Variants in ATAD2B observed in about 807,000 individuals in gnomAD.
ATAD2B encodes the protein ATPase family AAA domain-containing protein 2B.
In ATAD2B, 40 loss-of-function variants were observed where a neutral mutation model predicts 167.6. The ratio of observed to expected loss-of-function variants is 0.24; its 90% CI spans 0.19 to 0.31. The LOEUF (loss-of-function observed/expected upper bound fraction) is 0.31, where lower values mean the gene tolerates loss of function less well. ATAD2B is among the 10% of genes least tolerant of loss of function. The probability of loss-of-function intolerance (pLI) is 1.00; values close to 1 mark genes in which losing one functional copy is unlikely to be tolerated. For missense variants in ATAD2B, 1,242 were observed against 1,757.2 expected (o/e 0.71, Z 5.24); for synonymous variants, 579 against 596.5 (o/e 0.97, Z 0.43).
chr2:23,813,424 A>G (rs1685935551), intron 17 of ATAD2B, among the ~76,000 whole-genome samples: 2 of 151,184 alleles, frequency 1.3e-5, no homozygotes, highest in South Asian at 2.1e-4. Context: ...AAACAATTTC[A>G]TCTAAGAAAA....
At chr2:23,891,019 G>GT (rs1304538422) in intron 2 of ATAD2B, among the ~76,000 whole-genome samples, 107 of 135,480 alleles carry the variant, frequency 7.9e-4, no homozygotes, top group Admixed American at 1.9e-3. Flanking sequence ...AATATACTGA[G>GT]ATTTTTTTTT....
At chr2:23,845,704 C>T (rs979065394) in intron 13 of ATAD2B, among the ~76,000 whole-genome samples, 1 of 151,294 alleles carries the variant, frequency 6.6e-6, no homozygotes, top group South Asian at 2.1e-4. Flanking sequence ...CTCAACCTCC[C>T]GAGTAGCTGA....
intron 1 of ATAD2B, among the ~76,000 whole-genome samples, chr2:23,910,668 G>T (rs1702159391): frequency 6.9e-6 from 1 of 145,610 alleles, no homozygotes. Context: ...AGAAGTTTGA[G>T]ACCAGCCTGA....
At chr2:23,772,472 C>T (rs923252047) in intron 22 of ATAD2B, among the ~76,000 whole-genome samples, 9 of 151,974 alleles carry the variant, frequency 5.9e-5, no homozygotes, top group African/African-American at 2.2e-4. Flanking sequence ...CTTTCTACCT[C>T]GGCTTGAATG....
chr2:23,795,784 C>T (rs922536026), intron 19 of ATAD2B, among the ~76,000 whole-genome samples: 2 of 151,312 alleles, frequency 1.3e-5, no homozygotes, highest in Non-Finnish European at 2.9e-5. Context: ...GAGGCTGAGA[C>T]GGGAGAATCA....
the ATAD2B span, among the ~76,000 whole-genome samples, chr2:23,702,516 C>T: frequency 2.6e-5 from 4 of 152,192 alleles, no homozygotes; most frequent in African/African-American, 4.8e-5. Context: ...GCCTACTGCT[C>T]TCCCTTCACC....
At chr2:23,876,658 G>C (rs1696890480) in intron 7 of ATAD2B, among the ~76,000 whole-genome samples, 1 of 152,122 alleles carries the variant, frequency 6.6e-6, no homozygotes, top group South Asian at 2.1e-4. Flanking sequence ...ATGCTGTCTA[G>C]AAGCAAAATG....
intron 4 of ATAD2B, among the ~76,000 whole-genome samples, chr2:23,886,069 C>T (rs1389113998): frequency 6.6e-6 from 1 of 152,024 alleles, no homozygotes; most frequent in Non-Finnish European, 1.5e-5. Context: ...CTCAGCCTCC[C>T]GAGTATCTGA....
chr2:23,770,795 T>C (rs907911633), intron 22 of ATAD2B, among the ~76,000 whole-genome samples: 5 of 152,218 alleles, frequency 3.3e-5, no homozygotes, highest in African/African-American at 4.8e-5. Flanking sequence ...CTGTTTTTAT[T>C]TTCCAAAGTT....
chr2:23,838,462 A>C (rs1195853639), intron 13 of ATAD2B, among the ~76,000 whole-genome samples: 1 of 151,734 alleles, frequency 6.6e-6, no homozygotes, highest in Non-Finnish European at 1.5e-5. Flanking sequence ...AAAAAAAAAA[A>C]TCTGAATGGC....
rs10559795 is a variant in ATAD2B at position 23,818,077 on chromosome 2, AACAC to A, written c.2267+1666_2267+1669del. Among the ~76,000 whole-genome samples the A allele has an allele frequency of 4.2e-4, 60 of 142,310 alleles. 2 individuals are homozygous for A. Among genetic ancestry groups the A allele is most frequent in the Admixed American group, 9.1e-4 (13 of 14,262 alleles). The allele number at this position is 142,310 out of a possible 152,430, so 93.4% of individuals were successfully genotyped here. On this transcript the variant is annotated intron_variant, in intron 17 of 27. Coordinates refer to ENST00000238789, the MANE Select transcript of ATAD2B (RefSeq NM_017552.4). ...TAACTATAACTGTCAAACACACATA[AACAC>A]ACACACACACACATTACACACACAC...
At chr2:23,788,260 T>C (rs1681117737) in intron 20 of ATAD2B, 2 of 411,268 alleles carry the variant, frequency 4.9e-6, no homozygotes, top group South Asian at 1.1e-4. Context: ...AGCCCCATAA[T>C]GTGACATCTA....
chr2:23,756,537 T>C (rs188897130), intron 25 of ATAD2B, among the ~76,000 whole-genome samples: 237 of 152,224 alleles, frequency 1.6e-3, no homozygotes, highest in Non-Finnish European at 2.5e-3. Flanking sequence ...TTGAGCAGGG[T>C]AGATATCAAC....
Position 23,926,731 on chromosome 2 carries a change from A to T in ATAD2B, c.40T>A (p.Ser14Thr). 1 of 1,548,420 alleles carries T rather than the reference A, an allele frequency of 6.5e-7. No individual in the cohort carries two copies. The highest frequency in any genetic ancestry group is 2.5e-5 in the East Asian group (1 of 40,800). ...CCAGGCCCGGGACCAGGAGACTTGGACCCGAGAAGGCGGAGAGAGCTCTTC... is the reference window on the plus strand; with the variant it reads ...CCAGGCCCGGGACCAGGAGACTTGGTCCCGAGAAGGCGGAGAGAGCTCTTC... ...TRKSSLRLLG[S>T]KSPGPGPGPG... Residue 14 changes from serine to threonine, a missense_variant, in exon 1 of 28, where the codon TCC becomes ACC. Around this residue, in one of 9 missense-constraint regions of ATAD2B, gnomAD observed 199 missense variants for 194.9 expected, o/e 1.02. Transcript: ENST00000238789.
intron 1 of ATAD2B, among the ~76,000 whole-genome samples, chr2:23,912,038 A>C (rs1421572155): frequency 1.3e-5 from 2 of 152,034 alleles, no homozygotes; most frequent in Non-Finnish European, 2.9e-5. Flanking sequence ...CTATAATCCT[A>C]CACCCCTAAC....
At chr2:23,721,812 G>T in the ATAD2B span, among the ~76,000 whole-genome samples, 1 of 152,250 alleles carries the variant, frequency 6.6e-6, no homozygotes, top group African/African-American at 2.4e-5. Context: ...CCTGCCCCCA[G>T]GCCAGCCAAG....
In ATAD2B at chr2:23,867,821, T is replaced by C; in HGVS notation, c.1188+14A>G. 1 of 1,556,824 alleles carries C rather than the reference T, an allele frequency of 6.4e-7. No individual in the cohort carries two copies. Among genetic ancestry groups the C allele is most frequent in the Non-Finnish European group, 8.7e-7 (1 of 1,143,006 alleles). ...AAAAAAGAAAACTTCTAGAAAAACA[T>C]TTACAAAACTTACTGATTTATCAAT... On this transcript the variant is annotated intron_variant, in intron 10 of 27. Coordinates refer to ENST00000238789, the MANE Select transcript of ATAD2B (RefSeq NM_017552.4).
At chr2:23,726,526 G>C in the ATAD2B span, among the ~76,000 whole-genome samples, 2 of 152,236 alleles carry the variant, frequency 1.3e-5, no homozygotes, top group South Asian at 2.1e-4. Context: ...AGCAGGCTGA[G>C]GGGGAGAGGC....
rs372845513 is a variant in ATAD2B, at chr2:23,869,238, A to C, written c.1076+425T>G. 3.3e-5 allele frequency among the ~76,000 whole-genome samples: 5 copies of C among 152,364 alleles called. No individual in the cohort carries two copies. The East Asian group carries it at 9.6e-4, about 29-fold the overall frequency. ...CACTTGTTCAACTGACAACAAAAAC[A>C]AAGTAATTTTTTCCAATAAAAATCT... is the stretch of plus-strand genomic sequence containing the variant. On this transcript the variant is annotated intron_variant, in intron 9 of 27. Transcript: ENST00000238789.
Sources: gnomAD v4.1 joint callset for allele counts (sites outside exome capture counted in the v4.1 genomes callset) on GRCh38, gnomAD v4.1.1 for gene constraint, gnomAD v4.1.1 regional missense constraint, MANE v1.5 for transcripts, NCBI Gene and HGNC (gene_info 2026-07-23, HGNC 2026-07-21) for gene names.